MTO1: variants seen among roughly 807,000 people sequenced by gnomAD.
MTO1 encodes the protein 5-taurinomethyluridine-[tRNA] synthase subunit MTO1, mitochondrial.
In MTO1, 46 loss-of-function variants were observed where a neutral mutation model predicts 71.6. The observed-to-expected ratio is 0.64, with a 90% CI of 0.51 to 0.82. The LOEUF is 0.82. MTO1 is among the 40% of genes least tolerant of loss of function. The pLI, the probability that MTO1 is intolerant of heterozygous loss-of-function variation, is 0.00. For synonymous variants in MTO1, 297 were observed against 312.1 expected, an observed-to-expected ratio of 0.95 and a Z score of 0.51; for missense variants, 773 against 867.5, an observed-to-expected ratio of 0.89 and a Z score of 1.37.
At chr6:73,481,946 C>G in intron 7 of MTO1, 94 bp from the exon 8 acceptor site, 1 of 1,364,696 alleles carries the variant, frequency 7.3e-7, no homozygotes, top group Non-Finnish European at 1.0e-6. Context: ...TGCTTTCTTC[C>G]TGTCCCATGC....
intron 9 of MTO1, among the ~76,000 whole-genome samples, chr6:73,491,672 A>G (rs2150041998): frequency 6.6e-6 from 1 of 152,320 alleles, no homozygotes; most frequent in Non-Finnish European, 1.5e-5. Context: ...ATGATATTCT[A>G]TATGAAAGGA....
intron 3 of MTO1, among the ~76,000 whole-genome samples, chr6:73,468,773 A>G (rs539656965): frequency 6.6e-6 from 1 of 151,510 alleles, no homozygotes; most frequent in Admixed American, 6.6e-5. Flanking sequence ...ACGCCCAGCT[A>G]ATTTTTGTGT....
chr6:73,500,372 G>C (rs999845122), intron 11 of MTO1, among the ~76,000 whole-genome samples: 5 of 152,038 alleles, frequency 3.3e-5, no homozygotes, highest in African/African-American at 1.2e-4. Context: ...CTGTGCCTCA[G>C]TTTCCCATTT....
At chr6:73,492,956 T>A (rs1417754049) in intron 10 of MTO1, among the ~76,000 whole-genome samples, 1 of 131,678 alleles carries the variant, frequency 7.6e-6, no homozygotes, top group Non-Finnish European at 1.6e-5. Context: ...TAAATAAATA[T>A]ATATATAATA....
chr6:73,487,842 T>C (rs796530794), intron 9 of MTO1: 4 of 151,864 alleles, frequency 2.6e-5, no homozygotes, highest in African/African-American at 9.7e-5. Flanking sequence ...GCCTCCCGAG[T>C]AGCTGAGACT....
At chr6:73,492,147 A>G in intron 9 of MTO1, 87 bp from the exon 10 acceptor site, 1 of 812,890 alleles carries the variant, frequency 1.2e-6, no homozygotes, top group Non-Finnish European at 2.1e-6. Flanking sequence ...TTATTCTGAG[A>G]TCTGATATTA....
In MTO1 at chr6:73,479,856, A is replaced by C; in HGVS notation, c.938+12A>C. 1 of 1,606,986 alleles carries C rather than the reference A, an allele frequency of 6.2e-7. No homozygotes were observed. The highest frequency in any genetic ancestry group is 1.3e-5 in the African/African-American group (1 of 74,844). On this transcript the variant is annotated intron_variant, in intron 5 of 11. Coordinates refer to ENST00000498286, the MANE Select transcript of MTO1 (RefSeq NM_012123.4). ...ACAAGAGGACCTCGGTAAGGACAAA[A>C]TGTCAGTGCTCAGTTACTTTAAGGA...
intron 9 of MTO1, among the ~76,000 whole-genome samples, 174 bp downstream of exon 9, chr6:73,482,794 T>TC (rs1032920308): frequency 2.2e-5 from 3 of 137,078 alleles, no homozygotes; most frequent in African/African-American, 5.4e-5. Flanking sequence ...TCTTTCTTTT[T>TC]TTTTTTTTTT....
intron 4 of MTO1, among the ~76,000 whole-genome samples, chr6:73,477,423 G>A (rs890993885): frequency 6.7e-6 from 1 of 148,270 alleles, no homozygotes; most frequent in African/African-American, 2.5e-5. Context: ...AAAGAAATTC[G>A]GAGAATTTAA....
intron 2 of MTO1, 34 bp downstream of exon 2, chr6:73,466,442 A>G (rs2150027357): frequency 6.2e-7 from 1 of 1,613,338 alleles, no homozygotes; most frequent in Non-Finnish European, 8.5e-7. Context: ...GAAAGATTAT[A>G]GTGATTGTTT....
At chr6:73,464,290 A>G (rs910965306) in intron 1 of MTO1, 2 of 152,140 alleles carry the variant, frequency 1.3e-5, no homozygotes, top group African/African-American at 4.8e-5. Flanking sequence ...GAGGAAAATA[A>G]TCTACCACAG....
At chr6:73,495,068 G>A (rs1771947910) in intron 10 of MTO1, among the ~76,000 whole-genome samples, 1 of 152,072 alleles carries the variant, frequency 6.6e-6, no homozygotes, top group Non-Finnish European at 1.5e-5. Context: ...ACAAGCGTGA[G>A]CCACCATACC....
At position 73,466,562 on chromosome 6, in the gene MTO1, A is replaced by AGCCT; in HGVS notation, c.493_496dup (p.Glu166AlafsTer2). 6.2e-7 allele frequency: 1 copy of AGCCT among 1,614,158 alleles called. No individual in the cohort carries two copies. Among genetic ancestry groups the AGCCT allele is most frequent in the Non-Finnish European group, 8.5e-7 (1 of 1,180,018 alleles). On this transcript the variant is annotated frameshift_variant, in exon 3 of 12. Coordinates refer to ENST00000498286, the MANE Select transcript of MTO1 (RefSeq NM_012123.4). LOFTEE classifies it high-confidence loss of function. ...GAAGATCTTATTCTTACAGAACCAG[A>AGCCT]GCCTGAACACACTGGGAAATGCCGT...
rs759445569 is a variant in MTO1 at position 73,500,719 on chromosome 6, AAG to A, written c.2072_2073del (p.Glu691ValfsTer7). ...TACTTATGTGATGCAGACAGACTTC[AAG>A]AGAGAGAGTTATAGCTTTCAATTCA... is the stretch of plus-strand genomic sequence containing the variant. On this transcript the variant is annotated frameshift_variant, in exon 12 of 12. Coordinates refer to ENST00000498286, the MANE Select transcript of MTO1 (RefSeq NM_012123.4). LOFTEE classifies it high-confidence loss of function. 3.1e-5 allele frequency: 49 copies of A among 1,595,136 alleles called. 1 individual carries two copies. In the South Asian group the frequency reaches 4.8e-4, roughly 16 times the overall value.
intron 9 of MTO1, among the ~76,000 whole-genome samples, chr6:73,489,082 C>G (rs1373083674): frequency 2.6e-5 from 4 of 152,124 alleles, no homozygotes; most frequent in Non-Finnish European, 5.9e-5. Context: ...TAAGGCCTTT[C>G]CTTAGGTCTT....
At chr6:73,477,773 C>T (rs1393657079) in intron 4 of MTO1, among the ~76,000 whole-genome samples, 1 of 151,834 alleles carries the variant, frequency 6.6e-6, no homozygotes, top group African/African-American at 2.4e-5. Context: ...CCCAAAAGTG[C>T]TGGGATTACA....
intron 4 of MTO1, among the ~76,000 whole-genome samples, chr6:73,475,704 G>T (rs1771294877): frequency 6.6e-6 from 1 of 152,012 alleles, no homozygotes; most frequent in African/African-American, 2.4e-5. Context: ...AGTAGATGGG[G>T]TTTCTCCATG....
At chr6:73,493,263 G>C (rs1027586977) in intron 10 of MTO1, among the ~76,000 whole-genome samples, 17 of 151,084 alleles carry the variant, frequency 1.1e-4, no homozygotes, top group Admixed American at 9.3e-4. Context: ...CAAAGTGCCA[G>C]GGATTACAGG....
chr6:73,466,915 T>A (rs1771015607), intron 3 of MTO1, among the ~76,000 whole-genome samples: 1 of 152,148 alleles, frequency 6.6e-6, no homozygotes, highest in African/African-American at 2.4e-5. Flanking sequence ...GTTCTGACTT[T>A]AATTTTTTAA....
Sources: gnomAD v4.1 joint callset for allele counts (sites outside exome capture counted in the v4.1 genomes callset) on GRCh38, gnomAD v4.1.1 for gene constraint, MANE v1.5 for transcripts, NCBI Gene and HGNC (gene_info 2026-07-23, HGNC 2026-07-21) for gene names.